CLASP1: variants seen among roughly 807,000 people sequenced by gnomAD.
CLASP1 encodes the protein cytoplasmic linker associated protein 1, also known as CLIP-associating protein 1.
CLASP1 carries 38 observed loss-of-function variants against 192.3 expected under a neutral mutation model. The ratio of observed to expected loss-of-function variants is 0.20; its 90% confidence interval spans 0.15 to 0.26. The LOEUF is 0.26. Among genes scored for constraint, CLASP1 ranks in the 10% least tolerant of loss-of-function variants. The pLI, the probability that CLASP1 is intolerant of heterozygous loss-of-function variation, is 1.00. For missense variants in CLASP1, 1,433 were observed against 1,932.5 expected (o/e 0.74, Z 4.85); for synonymous variants, 691 against 712.8 (o/e 0.97, Z 0.49).
intron 19 of CLASP1, among the ~76,000 whole-genome samples, chr2:121,438,543 A>C (rs536135685): frequency 6.6e-6 from 1 of 152,320 alleles, no homozygotes; most frequent in African/African-American, 2.4e-5. Flanking sequence ...GTGTCTAGCT[A>C]TTCACATCAA....
At chr2:121,647,662 T>A (rs1305384762) in intron 1 of CLASP1, among the ~76,000 whole-genome samples, 2 of 152,236 alleles carry the variant, frequency 1.3e-5, no homozygotes, top group Non-Finnish European at 2.9e-5. Context: ...ATCTGTGGGT[T>A]AATTCAAAAG....
At chr2:121,616,735 G>A (rs1444817663) in intron 1 of CLASP1, among the ~76,000 whole-genome samples, 2 of 152,178 alleles carry the variant, frequency 1.3e-5, no homozygotes, top group African/African-American at 4.8e-5. Context: ...TCTGTTCTTA[G>A]TCTACCTGTT....
chr2:121,500,366 A>AAG (rs1330897501), intron 8 of CLASP1, among the ~76,000 whole-genome samples: 1 of 144,250 alleles, frequency 6.9e-6, no homozygotes, highest in African/African-American at 2.8e-5. Context: ...GAAAGAAAGA[A>AAG]AGAAAGAAAG....
intron 2 of CLASP1, among the ~76,000 whole-genome samples, chr2:121,587,333 G>C (rs555314490): frequency 6.6e-6 from 1 of 152,310 alleles, no homozygotes; most frequent in Non-Finnish European, 1.5e-5. Context: ...CCCATCCTTA[G>C]AACATCCCCC....
Position 121,549,669 on chromosome 2 carries a change from A to T in CLASP1, c.196-19344T>A, listed in dbSNP as rs1021252715. On this transcript the variant is annotated intron_variant, in intron 2 of 39. Coordinates refer to ENST00000263710, the Ensembl canonical transcript of CLASP1. The stretch of plus-strand genomic sequence containing the variant: ...AGATCATCACATGGCACATACTCTA[A>T]AATCAACCACATAATTGGACATAAA... 6.9e-5 allele frequency among the ~76,000 whole-genome samples: 10 copies of T among 144,858 alleles called. No individual in the cohort carries two copies. In the East Asian group the frequency reaches 1.8e-3, roughly 27 times the overall value.
chr2:121,437,090 G>T (rs951190051), intron 19 of CLASP1, among the ~76,000 whole-genome samples: 1 of 151,968 alleles, frequency 6.6e-6, no homozygotes, highest in African/African-American at 2.4e-5. Context: ...AGCCTCACAA[G>T]TATCTGGGGC....
chr2:121,505,451 C>T (rs1015392122), intron 7 of CLASP1: 2 of 152,214 alleles, frequency 1.3e-5, no homozygotes, highest in Admixed American at 1.3e-4. Context: ...TCATTCTCTG[C>T]TCATTAATGC....
chr2:121,360,585 G>T (rs1428698553), intron 37 of CLASP1, among the ~76,000 whole-genome samples: 1 of 112,416 alleles, frequency 8.9e-6, no homozygotes, highest in Non-Finnish European at 1.9e-5. Context: ...AAGATAAGAA[G>T]AACTTCAAGG....
At chr2:121,531,135 T>C (rs527531050) in intron 2 of CLASP1, 172 of 619,392 alleles carry the variant, frequency 2.8e-4, no homozygotes, top group Non-Finnish European at 4.5e-4. Context: ...TAAAGTTCTT[T>C]CAGTTTTTGC....
chr2:121,352,917 T>C lies in CLASP1; in HGVS notation c.4207-4199A>G, dbSNP rs576230443. 5.9e-5 allele frequency among the ~76,000 whole-genome samples: 9 copies of C among 151,820 alleles called. No homozygotes were observed. The South Asian group carries it at 1.9e-3, about 32-fold the overall frequency. ...GATCCACCCACCTCAGCCTCCAAAG[T>C]GCTGGGATTACAGAGCCACTGCGAC... On this transcript the variant is annotated intron_variant, in intron 37 of 39. Transcript: ENST00000263710.
chr2:121,492,022 T>C (rs2093330829), intron 8 of CLASP1, among the ~76,000 whole-genome samples: 2 of 152,182 alleles, frequency 1.3e-5, no homozygotes, highest in Non-Finnish European at 2.9e-5. Flanking sequence ...TACTCAAAAG[T>C]GCACTGTTGT....
At chr2:121,377,388 A>G in intron 34 of CLASP1, 111 bp downstream of exon 35, 4 of 751,038 alleles carry the variant, frequency 5.3e-6, no homozygotes, top group Non-Finnish European at 8.5e-6. Context: ...TATTTTAACT[A>G]CAGGATAAAA....
At chr2:121,548,483 A>C (rs192658451) in intron 2 of CLASP1, among the ~76,000 whole-genome samples, 14 of 152,332 alleles carry the variant, frequency 9.2e-5, no homozygotes, top group Non-Finnish European at 1.9e-4. Context: ...CTTACAAAAT[A>C]TATTTCAGGG....
intron 2 of CLASP1, among the ~76,000 whole-genome samples, chr2:121,591,646 G>T (rs530164231): frequency 3.9e-5 from 6 of 152,302 alleles, no homozygotes; most frequent in African/African-American, 9.6e-5. Context: ...CAGGCCACTT[G>T]TATCTCAGAA....
chr2:121,361,078 G>GT (rs1368227278), intron 37 of CLASP1, among the ~76,000 whole-genome samples: 1 of 152,190 alleles, frequency 6.6e-6, no homozygotes, highest in African/African-American at 2.4e-5. Context: ...TGGAGAGTCG[G>GT]TAAGTGCGTG....
exon 23 of CLASP1, chr2:121,418,646 G>C: frequency 2.5e-6 from 4 of 1,613,790 alleles, no homozygotes; most frequent in Non-Finnish European, 3.4e-6. Context: ...CCCCGAGCAG[G>C]GCTTGTATCT....
At chr2:121,625,182 T>G (rs1319018522) in intron 1 of CLASP1, among the ~76,000 whole-genome samples, 1 of 152,208 alleles carries the variant, frequency 6.6e-6, no homozygotes, top group Non-Finnish European at 1.5e-5. Context: ...ATTTAAAAGT[T>G]TGCCTGCATC....
intron 6 of CLASP1, among the ~76,000 whole-genome samples, chr2:121,524,819 A>C (rs2094536774): frequency 6.6e-6 from 1 of 152,208 alleles, no homozygotes; most frequent in African/African-American, 2.4e-5. Context: ...GAAAGCAGGG[A>C]GACAGCAGAC....
chr2:121,476,006 T>C (rs769665587), intron 8 of CLASP1, among the ~76,000 whole-genome samples: 1 of 152,204 alleles, frequency 6.6e-6, no homozygotes, highest in Non-Finnish European at 1.5e-5. Context: ...ATGAAATTTC[T>C]ACAGAGTGAT....
Sources: gnomAD v4.1 joint callset for allele counts (sites outside exome capture counted in the v4.1 genomes callset) on GRCh38, gnomAD v4.1.1 for gene constraint, MANE v1.5 for transcripts, NCBI Gene and HGNC (gene_info 2026-07-23, HGNC 2026-07-21) for gene names.